Variants in PDE4B observed in about 807,000 individuals in gnomAD.
PDE4B encodes the protein 3',5'-cyclic-AMP phosphodiesterase 4B.
PDE4B carries 20 observed loss-of-function variants against 82.2 expected under a neutral mutation model. That is an observed-to-expected ratio of 0.24 (90% CI 0.17 to 0.35). The LOEUF is 0.35. PDE4B is among the 10% of genes least tolerant of loss of function. The pLI is 1.00. For synonymous variants in PDE4B, 320 were observed against 318.9 expected, an observed-to-expected ratio of 1.00 and a Z score of -0.04; for missense variants, 655 against 907.2, an observed-to-expected ratio of 0.72 and a Z score of 3.57.
intron 3 of PDE4B, among the ~76,000 whole-genome samples, chr1:65,968,111 A>T (rs954567194): frequency 1.3e-5 from 2 of 152,142 alleles, no homozygotes; most frequent in African/African-American, 4.8e-5. Context: ...AGAATGACAT[A>T]ATAGAAAGAC....
chr1:66,128,659 A>G (rs892399215), intron 3 of PDE4B, among the ~76,000 whole-genome samples: 8 of 152,210 alleles, frequency 5.3e-5, no homozygotes, highest in Non-Finnish European at 1.2e-4. Context: ...CTATTAGTCC[A>G]TTTTCACACT....
intron 3 of PDE4B, among the ~76,000 whole-genome samples, chr1:66,063,734 G>T (rs2100904136): frequency 6.6e-6 from 1 of 151,966 alleles, no homozygotes; most frequent in Admixed American, 6.6e-5. Context: ...TTAACATTGG[G>T]TAAAATAGTT....
intron 3 of PDE4B, among the ~76,000 whole-genome samples, chr1:65,946,231 C>G (rs1043650894): frequency 6.6e-6 from 1 of 151,958 alleles, no homozygotes; most frequent in Non-Finnish European, 1.5e-5. Flanking sequence ...TACCTTCTTA[C>G]ACCTGCTCAA....
At chr1:66,200,261 G>T (rs1251295344) in intron 3 of PDE4B, among the ~76,000 whole-genome samples, 1 of 152,182 alleles carries the variant, frequency 6.6e-6, no homozygotes, top group Non-Finnish European at 1.5e-5. Flanking sequence ...TTATAGTATA[G>T]TTTGAAGTCA....
intron 3 of PDE4B, among the ~76,000 whole-genome samples, chr1:66,167,850 A>G (rs1269951093): frequency 6.6e-6 from 1 of 152,122 alleles, no homozygotes; most frequent in Non-Finnish European, 1.5e-5. Flanking sequence ...CTAATTTTAT[A>G]TTTTCTTCAT....
At chr1:66,068,996 A>G (rs938458792) in intron 3 of PDE4B, among the ~76,000 whole-genome samples, 2 of 152,042 alleles carry the variant, frequency 1.3e-5, no homozygotes, top group Non-Finnish European at 2.9e-5. Context: ...CCATTCTTCT[A>G]TGAGACATAG....
intron 3 of PDE4B, among the ~76,000 whole-genome samples, chr1:65,965,450 C>T (rs901155615): frequency 6.6e-5 from 10 of 151,590 alleles, no homozygotes; most frequent in Non-Finnish European, 1.3e-4. Flanking sequence ...TTATATGAAG[C>T]GATACACATT....
intron 1 of PDE4B, among the ~76,000 whole-genome samples, chr1:65,855,634 G>T (rs1646383715): frequency 6.6e-6 from 1 of 152,090 alleles, no homozygotes; most frequent in African/African-American, 2.4e-5. Context: ...CCCCGCATAG[G>T]TATGTCTTAA....
intron 1 of PDE4B, among the ~76,000 whole-genome samples, chr1:65,832,950 AAT>A (rs1232397352): frequency 6.6e-6 from 1 of 152,214 alleles, no homozygotes; most frequent in South Asian, 2.1e-4. Context: ...GAGCTCAGGG[AAT>A]ATAGCCCTTC....
intron 3 of PDE4B, among the ~76,000 whole-genome samples, chr1:65,993,773 G>A (rs1218107512): frequency 6.6e-6 from 1 of 152,058 alleles, no homozygotes; most frequent in Non-Finnish European, 1.5e-5. Context: ...TAAAAAAATG[G>A]ACTTTAAAAT....
At chr1:66,194,006 C>G (rs1164552314) in intron 3 of PDE4B, among the ~76,000 whole-genome samples, 1 of 148,400 alleles carries the variant, frequency 6.7e-6, no homozygotes. Context: ...GTTCTAGTAA[C>G]TGACAATCTC....
At chr1:66,141,327 AATATATATATATATATATAT>A (rs71058454) in intron 3 of PDE4B, among the ~76,000 whole-genome samples, 10 of 91,474 alleles carry the variant, frequency 1.1e-4, no homozygotes, top group Non-Finnish European at 1.4e-4. Flanking sequence ...AAGCTTTGAG[AATATATATATATATATATAT>A]ATATATATAT....
chr1:66,047,652 A>G (rs1466767312), intron 3 of PDE4B, among the ~76,000 whole-genome samples: 1 of 151,914 alleles, frequency 6.6e-6, no homozygotes, highest in Non-Finnish European at 1.5e-5. Flanking sequence ...CTTTAGACTC[A>G]TAACTCCAAG....
intron 3 of PDE4B, among the ~76,000 whole-genome samples, chr1:66,079,166 TTC>T (rs148765561): frequency 0.012 from 1,685 of 142,222 alleles, 21 homozygotes; most frequent in Middle Eastern, 0.031. Context: ...CCTGCTTCTT[TTC>T]TCTCTCTCTC....
chr1:65,879,732 T>C (rs1646689211), intron 1 of PDE4B, among the ~76,000 whole-genome samples: 1 of 152,196 alleles, frequency 6.6e-6, no homozygotes, highest in Non-Finnish European at 1.5e-5. Flanking sequence ...ACAAGGAATA[T>C]GGAAGAAAGT....
chr1:66,010,545 C>T (rs1652426717), intron 3 of PDE4B, among the ~76,000 whole-genome samples: 1 of 151,332 alleles, frequency 6.6e-6, no homozygotes, highest in Non-Finnish European at 1.5e-5. Flanking sequence ...TAATATCATA[C>T]ATAATGGGCA....
intron 7 of PDE4B, chr1:66,267,197 T>C (rs1655115669): frequency 6.5e-6 from 1 of 153,634 alleles, no homozygotes; most frequent in South Asian, 2.0e-4. Context: ...TAAGTAAAGG[T>C]GAGTTTACTC....
At chr1:66,372,122 G>A (rs1441371818) in intron 16 of PDE4B, among the ~76,000 whole-genome samples, 191 bp from the exon 17 acceptor site, 1 of 152,126 alleles carries the variant, frequency 6.6e-6, no homozygotes, top group East Asian at 1.9e-4. Flanking sequence ...TTACCTTCCA[G>A]GATTAAGAGA....
intron 7 of PDE4B, among the ~76,000 whole-genome samples, chr1:66,312,277 C>T (rs1658726422): frequency 1.3e-5 from 2 of 152,200 alleles, no homozygotes; most frequent in African/African-American, 2.4e-5. Flanking sequence ...TTTCCTATTA[C>T]TGCAATAAAT....
Sources: gnomAD v4.1 joint callset for allele counts (sites outside exome capture counted in the v4.1 genomes callset) on GRCh38, gnomAD v4.1.1 for gene constraint, MANE v1.5 for transcripts, NCBI Gene and HGNC (gene_info 2026-07-23, HGNC 2026-07-21) for gene names.